The following RGS7 variants were observed in gnomAD, a reference collection of about 807,000 sequenced individuals.
RGS7 encodes the protein regulator of G-protein signaling 7.
RGS7 carries 27 observed loss-of-function variants against 81.1 expected under a neutral mutation model. The ratio of observed to expected loss-of-function variants is 0.33; its 90% CI spans 0.25 to 0.46. The LOEUF is 0.46. Ranked by LOEUF, RGS7 falls within the 20% of genes least tolerant of loss-of-function variation. The pLI, the probability that RGS7 is intolerant of heterozygous loss-of-function variation, is 1.00. For missense variants in RGS7, 396 were observed against 607.4 expected (o/e 0.65, Z 3.66); for synonymous variants, 208 against 207.7 (o/e 1.00, Z -0.01).
At chr1:240,885,959 C>G (rs1667272618) in intron 6 of RGS7, among the ~76,000 whole-genome samples, 1 of 152,152 alleles carries the variant, frequency 6.6e-6, no homozygotes. Context: ...CTCTCATATT[C>G]TATACCTCCT....
At chr1:241,167,461 G>A (rs2070350439) in intron 2 of RGS7, among the ~76,000 whole-genome samples, 1 of 152,100 alleles carries the variant, frequency 6.6e-6, no homozygotes, top group African/African-American at 2.4e-5. Context: ...AAAAACGAAT[G>A]TGTCATGTGG....
chr1:241,307,326 A>T (rs545317547), intron 2 of RGS7, among the ~76,000 whole-genome samples: 1 of 152,306 alleles, frequency 6.6e-6, no homozygotes, highest in South Asian at 2.1e-4. Context: ...AATGAAGAAG[A>T]ATCTAACAGG....
chr1:241,156,132 T>TA lies in RGS7; in HGVS notation c.79-57371_79-57370insT, dbSNP rs199745641. Among the ~76,000 whole-genome samples, 1,195 of 147,012 alleles carry TA rather than the reference T, an allele frequency of 8.1e-3. 29 individuals are homozygous for TA. The East Asian group carries it at 0.088, about 11-fold the overall frequency. ...AGATAGAGGATAGAAAGATAAATGA[T>TA]GATAGATAGATAGATAGATAGATAG... On this transcript the variant is annotated intron_variant, in intron 2 of 18. Transcript: ENST00000440928.
At chr1:241,228,932 T>G (rs921760597) in intron 2 of RGS7, among the ~76,000 whole-genome samples, 1 of 151,966 alleles carries the variant, frequency 6.6e-6, no homozygotes, top group Non-Finnish European at 1.5e-5. Context: ...AATTACCTGG[T>G]TTTGATTATT....
chr1:241,061,107 G>A (rs2061716482), intron 3 of RGS7, among the ~76,000 whole-genome samples: 1 of 152,154 alleles, frequency 6.6e-6, no homozygotes. Flanking sequence ...CAAACCAATG[G>A]AAAGAAGTTT....
In RGS7 at chr1:240,947,949, G is replaced by A. The variant is rs993881121; in HGVS notation, c.227-11243C>T. Among the ~76,000 whole-genome samples the A allele has an allele frequency of 5.3e-5, 8 of 152,100 alleles. No individual in the cohort carries two copies. The East Asian group carries it at 7.8e-4, about 15-fold the overall frequency. On this transcript the variant is annotated intron_variant, in intron 4 of 18. Coordinates refer to ENST00000440928, the MANE Select transcript of RGS7 (RefSeq NM_001364886.1). ...TGCTCCTCAAACATACCAAGCATGC[G>A]CAGGCCTTAGGCTTTGCTAGGCTCT...
chr1:241,252,979 G>T (rs1305576141), intron 2 of RGS7, among the ~76,000 whole-genome samples: 1 of 152,152 alleles, frequency 6.6e-6, no homozygotes, highest in African/African-American at 2.4e-5. Flanking sequence ...CAGATATTTG[G>T]GGAAAGCCAA....
rs12025234 is a variant in RGS7 at position 241,009,994 on chromosome 1, T to G, written c.176-26865A>C. On this transcript the variant is annotated intron_variant, in intron 3 of 18. Transcript: ENST00000440928. ...GTGGGAGTTGAACAATGAGAACACA[T>G]GGACACAGGGAGGGGAACATCATAC... Among the ~76,000 whole-genome samples the G allele has an allele frequency of 2.6e-3, 390 of 151,728 alleles. 18 individuals are homozygous for G. The East Asian group carries it at 0.06, about 23-fold the overall frequency.
At chr1:241,074,765 T>C (rs932976711) in intron 3 of RGS7, among the ~76,000 whole-genome samples, 1 of 152,178 alleles carries the variant, frequency 6.6e-6, no homozygotes, top group African/African-American at 2.4e-5. Flanking sequence ...GTCAGGTTGT[T>C]ACACAAAGGA....
At chr1:241,222,164 T>C (rs2075053721) in intron 2 of RGS7, among the ~76,000 whole-genome samples, 1 of 152,158 alleles carries the variant, frequency 6.6e-6, no homozygotes, top group African/African-American at 2.4e-5. Flanking sequence ...AAATTTGTGG[T>C]TGTGATTGTT....
intron 3 of RGS7, among the ~76,000 whole-genome samples, chr1:241,040,479 T>TTTTA (rs3077692): frequency 0.11 from 16,828 of 151,108 alleles, 1,072 homozygotes; most frequent in Middle Eastern, 0.16. Flanking sequence ...TTACTTTTCT[T>TTTTA]TTTATTTATT....
At chr1:240,897,773 G>A (rs12746537) in intron 6 of RGS7, among the ~76,000 whole-genome samples, 19,390 of 152,098 alleles carry the variant, frequency 0.13, 1,331 homozygotes, top group Middle Eastern at 0.18. Context: ...CCAGGCTTTG[G>A]TATCAGGATG....
chr1:240,978,087 T>C (rs1684411874), intron 4 of RGS7, among the ~76,000 whole-genome samples: 1 of 152,110 alleles, frequency 6.6e-6, no homozygotes, highest in South Asian at 2.1e-4. Context: ...TTAATGCAAA[T>C]TTACATTAAC....
chr1:241,346,150 T>TTA (rs1553327072), intron 2 of RGS7, among the ~76,000 whole-genome samples: 16 of 151,838 alleles, frequency 1.1e-4, no homozygotes, highest in African/African-American at 3.4e-4. Context: ...TAAAATTTGA[T>TTA]AAAAAAAACT....
At chr1:241,155,759 G>A (rs973936290) in intron 2 of RGS7, among the ~76,000 whole-genome samples, 2 of 152,062 alleles carry the variant, frequency 1.3e-5, no homozygotes, top group African/African-American at 4.8e-5. Context: ...CATACATGGA[G>A]AAACTGCATT....
At chr1:240,836,362 T>G (rs1269821222) in intron 9 of RGS7, among the ~76,000 whole-genome samples, 2 of 152,156 alleles carry the variant, frequency 1.3e-5, no homozygotes, top group African/African-American at 4.8e-5. Context: ...AGGGGCCCAG[T>G]TTGAAGGTTA....
At chr1:241,201,627 A>T (rs116821626) in intron 2 of RGS7, among the ~76,000 whole-genome samples, 274 of 152,294 alleles carry the variant, frequency 1.8e-3, no homozygotes, top group African/African-American at 6.4e-3. Flanking sequence ...CTTTTTTTTA[A>T]TACATATATA....
At chr1:241,328,739 C>A (rs1482101329) in intron 2 of RGS7, among the ~76,000 whole-genome samples, 2 of 152,160 alleles carry the variant, frequency 1.3e-5, no homozygotes, top group African/African-American at 2.4e-5. Context: ...ACACTGTCTT[C>A]TTGTAACACA....
intron 3 of RGS7, chr1:240,998,712 A>C: frequency 9.1e-7 from 1 of 1,093,990 alleles, no homozygotes; most frequent in Non-Finnish European, 1.4e-6. Context: ...GAGGGCATTG[A>C]TCTTATTCTC....
Sources: allele counts gnomAD v4.1 joint callset (sites outside exome capture counted in the v4.1 genomes callset), GRCh38; gene constraint gnomAD v4.1.1; transcripts MANE v1.5; gene names NCBI Gene and HGNC (gene_info 2026-07-23, HGNC 2026-07-21).